AFG2A: variants seen among roughly 807,000 people sequenced by gnomAD.
AFG2A encodes AAA ATPase AFG2A, also known as ATPase family gene 2 protein homolog A.
At chr4:123,180,591 T>C in the AFG2A span, among the ~76,000 whole-genome samples, 29 of 152,304 alleles carry the variant, frequency 1.9e-4, 1 homozygote, top group East Asian at 5.6e-3. Flanking sequence ...TTGCACATTG[T>C]AGACAAATAT....
chr4:123,222,853 C>T, the AFG2A span, among the ~76,000 whole-genome samples: 2 of 152,028 alleles, frequency 1.3e-5, no homozygotes, highest in African/African-American at 4.8e-5. Flanking sequence ...CCATGTTATC[C>T]CATATGGCAG....
the AFG2A span, among the ~76,000 whole-genome samples, chr4:123,037,500 G>T: frequency 6.6e-6 from 1 of 151,940 alleles, no homozygotes; most frequent in Admixed American, 6.6e-5. Flanking sequence ...AAAATATGTG[G>T]CAAGACTAAC....
the AFG2A span, among the ~76,000 whole-genome samples, chr4:123,257,154 A>G: frequency 6.6e-6 from 1 of 152,166 alleles, no homozygotes; most frequent in East Asian, 1.9e-4. Context: ...TTGGAACTGA[A>G]CTTAGTGTAT....
chr4:123,261,552 A>G, the AFG2A span, among the ~76,000 whole-genome samples: 1 of 152,170 alleles, frequency 6.6e-6, no homozygotes, highest in East Asian at 1.9e-4. Context: ...ATACTATGCC[A>G]TTTTATATAA....
the AFG2A span, among the ~76,000 whole-genome samples, chr4:123,126,814 C>A: frequency 6.6e-6 from 1 of 152,262 alleles, no homozygotes; most frequent in East Asian, 1.9e-4. Flanking sequence ...TACCCAGTAG[C>A]CTTGGGTATG....
the AFG2A span, among the ~76,000 whole-genome samples, chr4:123,107,661 C>T: frequency 6.6e-6 from 1 of 152,196 alleles, no homozygotes; most frequent in Non-Finnish European, 1.5e-5. Context: ...TGCCTTCTGT[C>T]ACCAGGAATG....
the AFG2A span, among the ~76,000 whole-genome samples, chr4:123,194,390 C>A: frequency 6.6e-6 from 1 of 152,168 alleles, no homozygotes; most frequent in Non-Finnish European, 1.5e-5. Flanking sequence ...AGGTTCAAAG[C>A]CATGTTGGGC....
the AFG2A span, among the ~76,000 whole-genome samples, chr4:123,208,899 C>G: frequency 6.6e-6 from 1 of 152,116 alleles, no homozygotes; most frequent in African/African-American, 2.4e-5. Flanking sequence ...GTATCTTTTT[C>G]TATGCTGATG....
At chr4:123,192,172 AC>A in the AFG2A span, among the ~76,000 whole-genome samples, 1 of 151,758 alleles carries the variant, frequency 6.6e-6, no homozygotes, top group African/African-American at 2.4e-5. Context: ...GACTACAGGT[AC>A]CCACCACCAC....
the AFG2A span, chr4:123,090,848 C>A: frequency 8.7e-7 from 1 of 1,153,214 alleles, no homozygotes; most frequent in Non-Finnish European, 1.2e-6. Flanking sequence ...TCACTGTGGA[C>A]TGGTTACCAT....
chr4:122,936,148 C>T, the AFG2A span: 7 of 1,604,152 alleles, frequency 4.4e-6, no homozygotes, highest in East Asian at 1.3e-4. Flanking sequence ...TTGCTGAAGC[C>T]ACTCTACGGT....
chr4:123,058,918 A>AT, the AFG2A span, among the ~76,000 whole-genome samples: 1 of 152,150 alleles, frequency 6.6e-6, no homozygotes, highest in Non-Finnish European at 1.5e-5. Flanking sequence ...TCAAAAGTCC[A>AT]CAGACCAAAG....
the AFG2A span, among the ~76,000 whole-genome samples, chr4:123,260,530 C>T: frequency 4.6e-5 from 7 of 152,186 alleles, no homozygotes; most frequent in African/African-American, 7.2e-5. Context: ...CACTGATTAA[C>T]GTTTTTTCTG....
chr4:123,070,074 A>G, the AFG2A span, among the ~76,000 whole-genome samples: 1 of 152,164 alleles, frequency 6.6e-6, no homozygotes, highest in Non-Finnish European at 1.5e-5. Context: ...ATCTGGATGC[A>G]TCTGTTGACC....
chr4:123,074,445 TTC>T, the AFG2A span, among the ~76,000 whole-genome samples: 2,074 of 6,972 alleles, frequency 0.3, 52 homozygotes, highest in East Asian at 0.44. Flanking sequence ...CATTCTTTTT[TTC>T]TTTTTTTTTT....
the AFG2A span, among the ~76,000 whole-genome samples, chr4:123,239,172 T>C: frequency 6.6e-6 from 1 of 152,116 alleles, no homozygotes; most frequent in Non-Finnish European, 1.5e-5. Flanking sequence ...CCAAGAAATA[T>C]GGGACTATGT....
the AFG2A span, among the ~76,000 whole-genome samples, chr4:123,067,564 C>A: frequency 1.2e-3 from 186 of 150,854 alleles, no homozygotes; most frequent in African/African-American, 4.3e-3. Flanking sequence ...ATTTACATGC[C>A]TACCATTTGG....
chr4:123,110,665 T>C, the AFG2A span, among the ~76,000 whole-genome samples: 2 of 152,156 alleles, frequency 1.3e-5, no homozygotes, highest in Non-Finnish European at 2.9e-5. Context: ...TTATTACCAC[T>C]TTTATTTGAG....
At chr4:122,977,928 C>T in the AFG2A span, among the ~76,000 whole-genome samples, 8 of 152,044 alleles carry the variant, frequency 5.3e-5, no homozygotes, top group South Asian at 2.1e-4. Context: ...TCTAGCTTTC[C>T]GCAGAGAGGA....
Sources: allele counts gnomAD v4.1 joint callset (sites outside exome capture counted in the v4.1 genomes callset), GRCh38; gene constraint gnomAD v4.1.1; transcripts MANE v1.5; gene names NCBI Gene and HGNC (gene_info 2026-07-23, HGNC 2026-07-21).